The following PLPPR5 variants were observed in gnomAD, a reference collection of about 807,000 sequenced individuals.
PLPPR5 encodes the protein phospholipid phosphatase related 5.
In PLPPR5, 16 loss-of-function variants were observed where a neutral mutation model predicts 33.9. That is an observed-to-expected ratio of 0.47 (90% CI 0.32 to 0.72). The LOEUF is 0.72. Among genes scored for constraint, PLPPR5 ranks in the 30% least tolerant of loss-of-function variants. PLPPR5 has a pLI of 0.03. For missense variants in PLPPR5, 301 were observed against 406.7 expected (o/e 0.74, Z 2.23); for synonymous variants, 163 against 150.3 (o/e 1.08, Z -0.62).
chr1:98,973,838 C>A (rs1651747559), intron 1 of PLPPR5, among the ~76,000 whole-genome samples: 1 of 148,936 alleles, frequency 6.7e-6, no homozygotes, highest in Admixed American at 6.8e-5. Context: ...GTTTAAGATC[C>A]AAGTGAGGTG....
chr1:98,984,284 C>G (rs1652174606), intron 1 of PLPPR5, among the ~76,000 whole-genome samples: 1 of 151,994 alleles, frequency 6.6e-6, no homozygotes, highest in Non-Finnish European at 1.5e-5. Flanking sequence ...ACCCTGCAGT[C>G]TTTCCCTCCT....
chr1:98,960,085 C>G (rs1457555909), intron 1 of PLPPR5, among the ~76,000 whole-genome samples: 1 of 152,012 alleles, frequency 6.6e-6, no homozygotes, highest in African/African-American at 2.4e-5. Flanking sequence ...TCTGTTTCCC[C>G]CACAGCTCAC....
chr1:98,939,922 G>A (rs539403964), intron 3 of PLPPR5, among the ~76,000 whole-genome samples: 3 of 151,918 alleles, frequency 2.0e-5, no homozygotes, highest in Admixed American at 1.3e-4. Flanking sequence ...CGTAGAGAAC[G>A]CTAATGGACA....
intron 1 of PLPPR5, among the ~76,000 whole-genome samples, chr1:98,958,965 AACTCAGGCTACCATG>A (rs952324090): frequency 1.3e-5 from 2 of 152,030 alleles, no homozygotes; most frequent in Non-Finnish European, 2.9e-5. Context: ...ACTGCACCCC[AACTCAGGCTACCATG>A]CTAAACTCCC....
In PLPPR5 at chr1:98,940,892, T is replaced by C. The variant is rs61160213; in HGVS notation, c.621+12178A>G. Among the ~76,000 whole-genome samples, 1,079 of 151,562 alleles carry C rather than the reference T, an allele frequency of 7.1e-3. 15 individuals are homozygous for C. Among genetic ancestry groups the C allele is most frequent in the African/African-American group, 0.025 (1,036 of 41,384 alleles). Reference sequence around the variant, plus strand: ...AGATTTCAGGCTTGGGTAACGAGGGTAGGAATGTCAATAATCAAATCAGAA... The same window carrying C: ...AGATTTCAGGCTTGGGTAACGAGGGCAGGAATGTCAATAATCAAATCAGAA... On this transcript the variant is annotated intron_variant, in intron 3 of 5. Coordinates refer to ENST00000263177, the MANE Select transcript of PLPPR5 (RefSeq NM_001037317.2).
At chr1:98,976,358 A>C (rs992734230) in intron 1 of PLPPR5, among the ~76,000 whole-genome samples, 9 of 152,090 alleles carry the variant, frequency 5.9e-5, no homozygotes, top group African/African-American at 2.2e-4. Flanking sequence ...GTGTTTTTAC[A>C]AAAAGGTGAT....
chr1:98,979,760 T>C (rs1651990522), intron 1 of PLPPR5, among the ~76,000 whole-genome samples: 2 of 152,012 alleles, frequency 1.3e-5, no homozygotes, highest in Admixed American at 1.3e-4. Context: ...CTCACCACCA[T>C]GTTCTATACT....
intron 1 of PLPPR5, among the ~76,000 whole-genome samples, chr1:98,978,798 GAATC>G (rs1418555306): frequency 6.6e-6 from 1 of 151,996 alleles, no homozygotes; most frequent in Admixed American, 6.6e-5. Flanking sequence ...AGGAAACTGA[GAATC>G]AATGAGGTCA....
At chr1:98,919,790 G>A (rs943176904) in intron 4 of PLPPR5, among the ~76,000 whole-genome samples, 1 of 152,098 alleles carries the variant, frequency 6.6e-6, no homozygotes, top group Non-Finnish European at 1.5e-5. Flanking sequence ...AGGGTAAAAG[G>A]AACTGAGAGG....
At chr1:98,971,498 A>AT (rs959069242) in intron 1 of PLPPR5, among the ~76,000 whole-genome samples, 3 of 151,362 alleles carry the variant, frequency 2.0e-5, no homozygotes, top group South Asian at 2.1e-4. Flanking sequence ...TAGCATTTCC[A>AT]TTTTTTTTGA....
At chr1:98,963,847 A>G (rs912203285) in intron 1 of PLPPR5, among the ~76,000 whole-genome samples, 10 of 152,166 alleles carry the variant, frequency 6.6e-5, no homozygotes, top group Non-Finnish European at 1.5e-5. Context: ...TCCTGATCCT[A>G]TTAACACACA....
chr1:98,953,343 T>C, intron 2 of PLPPR5, 23 bp from the exon 3 acceptor site: 1 of 1,600,970 alleles, frequency 6.2e-7, no homozygotes, highest in Non-Finnish European at 8.5e-7. Context: ...ACAAATAATT[T>C]TAACTTCTTG....
chr1:98,937,807 C>T (rs547512282), intron 3 of PLPPR5, among the ~76,000 whole-genome samples: 110 of 152,232 alleles, frequency 7.2e-4, no homozygotes, highest in Non-Finnish European at 1.5e-3. Context: ...TTGTTTTATG[C>T]TAAGTTTGGG....
chr1:98,916,819 T>A (rs1205095554), intron 4 of PLPPR5, among the ~76,000 whole-genome samples: 2 of 152,222 alleles, frequency 1.3e-5, no homozygotes, highest in Non-Finnish European at 2.9e-5. Flanking sequence ...TTCCAATATT[T>A]AATAAGTCTT....
intron 3 of PLPPR5, among the ~76,000 whole-genome samples, chr1:98,929,785 C>T (rs1649902039): frequency 6.6e-6 from 1 of 152,182 alleles, no homozygotes; most frequent in Admixed American, 6.5e-5. Flanking sequence ...ACATATGGCA[C>T]TTCATCCATC....
chr1:98,945,644 C>T (rs530861078), intron 3 of PLPPR5, among the ~76,000 whole-genome samples: 1 of 152,294 alleles, frequency 6.6e-6, no homozygotes, highest in South Asian at 2.1e-4. Flanking sequence ...GAAATAAATA[C>T]AGCCATACTT....
At chr1:98,951,165 G>T (rs1650769538) in intron 3 of PLPPR5, among the ~76,000 whole-genome samples, 4 of 152,174 alleles carry the variant, frequency 2.6e-5, no homozygotes, top group Admixed American at 2.6e-4. Context: ...ATTTAGACGT[G>T]ATGGCAATGA....
At chr1:98,993,660 T>A (rs1358828401) in intron 1 of PLPPR5, among the ~76,000 whole-genome samples, 1 of 152,094 alleles carries the variant, frequency 6.6e-6, no homozygotes, top group Non-Finnish European at 1.5e-5. Flanking sequence ...CCCAAGTGCA[T>A]TATCTCTATC....
At chr1:98,976,906 T>G (rs1407021497) in intron 1 of PLPPR5, among the ~76,000 whole-genome samples, 2 of 151,960 alleles carry the variant, frequency 1.3e-5, no homozygotes, top group Non-Finnish European at 2.9e-5. Flanking sequence ...TCTTCTCATG[T>G]CCCCTGGCCC....
Sources: gnomAD v4.1 joint callset for allele counts (sites outside exome capture counted in the v4.1 genomes callset) on GRCh38, gnomAD v4.1.1 for gene constraint, MANE v1.5 for transcripts, NCBI Gene and HGNC (gene_info 2026-07-23, HGNC 2026-07-21) for gene names.